PPP1R9A: variants seen among roughly 807,000 people sequenced by gnomAD.
PPP1R9A encodes protein phosphatase 1 regulatory subunit 9A, also known as neurabin-1.
Under a neutral mutation model 141.9 loss-of-function variants are expected in PPP1R9A, and 59 were observed. The ratio of observed to expected loss-of-function variants is 0.42; its 90% confidence interval spans 0.34 to 0.52. The LOEUF is 0.52. Among genes scored for constraint, PPP1R9A ranks in the 20% least tolerant of loss-of-function variants. PPP1R9A has a pLI of 0.10. For synonymous variants in PPP1R9A, 500 were observed against 569.7 expected, an observed-to-expected ratio of 0.88 and a Z score of 1.74; for missense variants, 1,444 against 1,611.9, an observed-to-expected ratio of 0.90 and a Z score of 1.78.
chr7:94,971,140 G>A (rs941014698), intron 2 of PPP1R9A, among the ~76,000 whole-genome samples: 1 of 152,240 alleles, frequency 6.6e-6, no homozygotes, highest in African/African-American at 2.4e-5. Flanking sequence ...TAAGTCAACC[G>A]TTAGAAGCCA....
At chr7:94,935,869 A>G (rs1794713854) in intron 2 of PPP1R9A, among the ~76,000 whole-genome samples, 2 of 152,170 alleles carry the variant, frequency 1.3e-5, no homozygotes, top group South Asian at 4.1e-4. Context: ...ATTTTCTTTT[A>G]ATCTCCTGAA....
In PPP1R9A at chr7:95,113,083, A is replaced by T. The variant is rs185612875; in HGVS notation, c.1528+1692A>T. ...TACTCCCCTGAATTTATACAGATTTAAAAAAAGACGTTCTTGAGCAACTTA... is the reference window on the plus strand; with the variant it reads ...TACTCCCCTGAATTTATACAGATTTTAAAAAAGACGTTCTTGAGCAACTTA... On this transcript the variant is annotated intron_variant, in intron 3 of 19. Coordinates refer to ENST00000433360, the MANE Select transcript of PPP1R9A (RefSeq NM_001166160.2). Among the ~76,000 whole-genome samples, 64 of 152,290 alleles carry T rather than the reference A, an allele frequency of 4.2e-4. No homozygotes were observed. In the East Asian group the frequency reaches 0.011, roughly 27 times the overall value.
At chr7:94,919,233 G>A (rs1464326438) in intron 2 of PPP1R9A, among the ~76,000 whole-genome samples, 2 of 151,890 alleles carry the variant, frequency 1.3e-5, no homozygotes, top group East Asian at 3.9e-4. Flanking sequence ...GCGCACAAGG[G>A]ATCTTCCTGC....
At chr7:95,205,713 A>G (rs1357312506) in intron 7 of PPP1R9A, among the ~76,000 whole-genome samples, 1 of 152,058 alleles carries the variant, frequency 6.6e-6, no homozygotes, top group African/African-American at 2.4e-5. Flanking sequence ...TCAGGGTTCC[A>G]TTTAAGTTTC....
intron 4 of PPP1R9A, among the ~76,000 whole-genome samples, chr7:95,139,320 C>T (rs1826218003): frequency 6.6e-6 from 1 of 152,158 alleles, no homozygotes; most frequent in African/African-American, 2.4e-5. Flanking sequence ...AACTTCCTCA[C>T]TATCACGAGA....
At chr7:95,162,031 A>G (rs1830531628) in intron 5 of PPP1R9A, 60 bp downstream of exon 5, 13 of 1,101,662 alleles carry the variant, frequency 1.2e-5, no homozygotes, top group East Asian at 2.7e-5. Flanking sequence ...TTAATTTTCT[A>G]TAGTTTAACC....
At chr7:94,914,524 A>G (rs982644915) in intron 2 of PPP1R9A, among the ~76,000 whole-genome samples, 7 of 152,194 alleles carry the variant, frequency 4.6e-5, no homozygotes, top group Non-Finnish European at 7.3e-5. Context: ...TTCTTATTAG[A>G]TAGATTGTTA....
intron 2 of PPP1R9A, among the ~76,000 whole-genome samples, chr7:95,103,362 C>CTTTTTTTTTTTTCTTTTTTTTTTTTTTT: frequency 1.1e-5 from 1 of 88,816 alleles, no homozygotes; most frequent in Non-Finnish European, 2.2e-5. Flanking sequence ...TTTTTCACTT[C>CTTTTTTTTTTTTCTTTTTTTTTTTTTTT]TTTTTTTTTT....
At chr7:95,149,921 A>C (rs1017793223) in intron 4 of PPP1R9A, among the ~76,000 whole-genome samples, 1 of 151,982 alleles carries the variant, frequency 6.6e-6, no homozygotes, top group African/African-American at 2.4e-5. Flanking sequence ...GAAATAACAA[A>C]GTTGGAGGAG....
At chr7:95,183,409 G>C (rs1834146005) in intron 5 of PPP1R9A, among the ~76,000 whole-genome samples, 1 of 149,392 alleles carries the variant, frequency 6.7e-6, no homozygotes, top group Admixed American at 6.7e-5. Flanking sequence ...CAAAGTGCTG[G>C]GATTACAGGC....
intron 2 of PPP1R9A, among the ~76,000 whole-genome samples, chr7:94,990,285 T>C (rs1029970828): frequency 2.6e-5 from 4 of 152,274 alleles, no homozygotes; most frequent in Middle Eastern, 3.4e-3. Flanking sequence ...AGTTTTCTCA[T>C]GTGCAAAATA....
At chr7:95,210,864 G>C (rs1003331033) in intron 7 of PPP1R9A, among the ~76,000 whole-genome samples, 12 of 152,138 alleles carry the variant, frequency 7.9e-5, no homozygotes, top group African/African-American at 2.9e-4. Flanking sequence ...GGTTGAAGCT[G>C]GAAACCATCA....
chr7:94,950,107 G>A (rs1361639146), intron 2 of PPP1R9A, among the ~76,000 whole-genome samples: 1 of 151,982 alleles, frequency 6.6e-6, no homozygotes, highest in Non-Finnish European at 1.5e-5. Context: ...GAAAGTAACT[G>A]TCTCTACTGT....
intron 2 of PPP1R9A, among the ~76,000 whole-genome samples, chr7:94,954,842 T>C (rs1316269782): frequency 5.4e-5 from 2 of 36,702 alleles, no homozygotes; most frequent in African/African-American, 2.1e-4. Flanking sequence ...TGCGTGTGTG[T>C]GTGTGTGTGT....
At chr7:94,979,904 G>C (rs759317122) in intron 2 of PPP1R9A, among the ~76,000 whole-genome samples, 1 of 151,846 alleles carries the variant, frequency 6.6e-6, no homozygotes, top group African/African-American at 2.4e-5. Context: ...AATGTTAAAG[G>C]TATTTTTTTT....
intron 2 of PPP1R9A, among the ~76,000 whole-genome samples, chr7:94,997,758 G>C (rs780571882): frequency 6.6e-6 from 1 of 152,120 alleles, no homozygotes; most frequent in East Asian, 1.9e-4. Flanking sequence ...TCTCTGCCAA[G>C]CTCTGAGCTC....
At chr7:95,088,037 TA>T (rs1816865361) in intron 2 of PPP1R9A, among the ~76,000 whole-genome samples, 1 of 151,842 alleles carries the variant, frequency 6.6e-6, no homozygotes, top group African/African-American at 2.4e-5. Context: ...TTTTAAAAAA[TA>T]AAATCTTGCA....
At chr7:95,135,854 C>CTTTTTTTTTTTTTTTT (rs58872136) in intron 4 of PPP1R9A, among the ~76,000 whole-genome samples, 1 of 73,076 alleles carries the variant, frequency 1.4e-5, no homozygotes, top group Admixed American at 1.8e-4. Flanking sequence ...TTCAGCTTTA[C>CTTTTTTTTTTTTTTTT]TTTTTTTTTT....
At chr7:95,231,226 T>C (rs1194129466) in intron 8 of PPP1R9A, among the ~76,000 whole-genome samples, 1 of 152,152 alleles carries the variant, frequency 6.6e-6, no homozygotes, top group African/African-American at 2.4e-5. Flanking sequence ...TATTTGCAGC[T>C]AACACTGGAG....
Sources: allele counts gnomAD v4.1 joint callset (sites outside exome capture counted in the v4.1 genomes callset), GRCh38; gene constraint gnomAD v4.1.1; transcripts MANE v1.5; gene names NCBI Gene and HGNC (gene_info 2026-07-23, HGNC 2026-07-21).